The following ZNF880 variants were observed in gnomAD, a reference collection of about 807,000 sequenced individuals.
ZNF880 encodes the protein zinc finger protein 880.
A neutral mutation model predicts 11.8 loss-of-function variants in ZNF880; 12 were observed. The observed-to-expected ratio is 1.02, with a 90% CI of 0.65 to 1.65. The LOEUF (loss-of-function observed/expected upper bound fraction) is 1.65. Among genes scored for constraint, ZNF880 ranks in the 40% most tolerant of loss-of-function variants. The pLI is 0.00. For missense variants in ZNF880, 601 were observed against 673.9 expected (o/e 0.89, Z 1.20); for synonymous variants, 210 against 232.4 (o/e 0.90, Z 0.88).
intron 3 of ZNF880, among the ~76,000 whole-genome samples, chr19:52,375,911 T>C (rs139758495): frequency 3.1e-4 from 47 of 152,348 alleles, no homozygotes; most frequent in Middle Eastern, 3.4e-3. Context: ...TGGCCTCAAC[T>C]ATTCTTCCCA....
In ZNF880 at chr19:52,384,196, C is replaced by A. The variant is rs745677904; in HGVS notation, c.616C>A (p.His206Asn). 7 of 1,611,428 alleles carry A rather than the reference C, an allele frequency of 4.3e-6. No individual in the cohort carries two copies. The South Asian group carries it at 6.6e-5, about 15-fold the overall frequency. The change falls in exon 4 of 4, where the codon CAC (histidine) becomes AAC (asparagine). Residue 206 changes from histidine (H) to asparagine (N), a missense_variant. Physicochemically the swap from His to Asn is moderately conservative, Grantham distance 68. Around this residue, in one of 3 missense-constraint regions of ZNF880, gnomAD observed 420 missense variants for 442.6 expected, o/e 0.95. Transcript: ENST00000422689. ...SSRLANNQVI[H>N]TADNPYKCNE... ...AAGACTTGCTAACAATCAAGTAATC[C>A]ACACTGCAGATAACCCTTACAAATG...
chr19:52,384,937 A>G lies in ZNF880; in HGVS notation c.1357A>G (p.Asn453Asp). ...CTTCAGGCATAGATTATCCCTAAGC[A>G]ATCATCAGAGATTTCATACTGGAGA... The part of the protein sequence containing the change: ...KVFRHRLSLS[N>D]HQRFHTGEKP... The change falls in exon 4 of 4, where the codon AAT (asparagine) becomes GAT (aspartate). Residue 453 changes from asparagine (N) to aspartate (D), a missense_variant. Asn to Asp is a conservative substitution (Grantham distance 23). Coordinates refer to ENST00000422689, the MANE Select transcript of ZNF880 (RefSeq NM_001145434.2). 6.3e-7 allele frequency: 1 copy of G among 1,586,962 alleles called. No individual in the cohort carries two copies. The highest frequency in any genetic ancestry group is 2.3e-5 in the East Asian group (1 of 43,876).
chr19:52,375,198 T>G (rs1986518040), intron 3 of ZNF880, among the ~76,000 whole-genome samples: 1 of 151,622 alleles, frequency 6.6e-6, no homozygotes, highest in Admixed American at 6.6e-5. Flanking sequence ...TATTAATTTA[T>G]TTTTTTGAGA....
At chr19:52,387,549 A>G (rs1451853418), downstream of ZNF880, among the ~76,000 whole-genome samples, 5 of 140,452 alleles carry the variant, frequency 3.6e-5, 1 homozygote, top group African/African-American at 1.4e-4. Context: ...CCCGGGTTCA[A>G]GCAATTCTCC....
At chr19:52,392,448 C>G in the ZNF880 span, among the ~76,000 whole-genome samples, 1 of 152,116 alleles carries the variant, frequency 6.6e-6, no homozygotes, top group African/African-American at 2.4e-5. Context: ...TTACAGGCGT[C>G]CACCACCAAA....
At chr19:52,393,967 G>A in the ZNF880 span, among the ~76,000 whole-genome samples, 2 of 151,020 alleles carry the variant, frequency 1.3e-5, no homozygotes, top group Admixed American at 1.3e-4. Context: ...CTCCCCAGTA[G>A]CTGGGACTAC....
chr19:52,393,714 A>G, the ZNF880 span, among the ~76,000 whole-genome samples: 2 of 136,408 alleles, frequency 1.5e-5, no homozygotes, highest in African/African-American at 5.3e-5. Flanking sequence ...GGAGTCTTCC[A>G]ATAAATGTAT....
chr19:52,397,200 T>G, the ZNF880 span: 1 of 151,496 alleles, frequency 6.6e-6, no homozygotes, highest in Admixed American at 6.6e-5. Flanking sequence ...CTGGCCTTAG[T>G]CCTCCATGCC....
At chr19:52,383,757 T>G in intron 3 of ZNF880, 92 bp from the exon 4 acceptor site, 2 of 1,310,798 alleles carry the variant, frequency 1.5e-6, no homozygotes. Context: ...TTCCCATGTC[T>G]GAGTCAGGTG....
chr19:52,371,429 G>A (rs1986369165), intron 1 of ZNF880, among the ~76,000 whole-genome samples: 1 of 151,968 alleles, frequency 6.6e-6, no homozygotes, highest in South Asian at 2.1e-4. Flanking sequence ...AGGCTGGAGT[G>A]CAGTGGCACC....
At chr19:52,379,388 T>A in intron 3 of ZNF880, 1 of 434,690 alleles carries the variant, frequency 2.3e-6, no homozygotes, top group South Asian at 1.7e-5. Flanking sequence ...AATTGGGAAT[T>A]TATTTTCATT....
chr19:52,375,968 A>G (rs534779648), intron 3 of ZNF880, among the ~76,000 whole-genome samples: 21 of 152,298 alleles, frequency 1.4e-4, no homozygotes, highest in Admixed American at 5.9e-4. Context: ...ATGGCCTTCA[A>G]TTCTATCCAG....
intron 1 of ZNF880, 21 bp downstream of exon 1, chr19:52,369,998 A>C (rs1600244815): frequency 5.8e-6 from 9 of 1,551,450 alleles, no homozygotes; most frequent in South Asian, 1.2e-5. Flanking sequence ...CTTTGTTTAG[A>C]TTAAATCTGG....
intron 3 of ZNF880, among the ~76,000 whole-genome samples, chr19:52,376,510 T>C (rs1293532851): frequency 2.4e-4 from 10 of 42,500 alleles, no homozygotes; most frequent in Non-Finnish European, 4.6e-4. Context: ...CCCCCCCCCC[T>C]TTTTTTTTTT....
chr19:52,395,648 A>T, the ZNF880 span: 1 of 152,338 alleles, frequency 6.6e-6, no homozygotes, highest in Admixed American at 6.5e-5. Context: ...CACCCAGTGC[A>T]GATGCAGTCT....
upstream of ZNF880, among the ~76,000 whole-genome samples, chr19:52,368,495 A>G (rs1986227915): frequency 6.6e-6 from 1 of 151,894 alleles, no homozygotes; most frequent in Non-Finnish European, 1.5e-5. Context: ...GAGAGTGTTT[A>G]TTATATAATG....
intron 1 of ZNF880, among the ~76,000 whole-genome samples, chr19:52,370,896 G>A (rs907563127): frequency 3.3e-5 from 5 of 152,188 alleles, no homozygotes; most frequent in African/African-American, 1.2e-4. Context: ...CCATGAATAA[G>A]CCACTGCACT....
In ZNF880 at chr19:52,384,155, C is replaced by T. The variant is rs766880072; in HGVS notation, c.575C>T (p.Ala192Val). The T allele has an allele frequency of 6.2e-7, 1 of 1,607,276 alleles. No individual in the cohort carries two copies. Among genetic ancestry groups the T allele is most frequent in the East Asian group, 2.2e-5 (1 of 44,694 alleles). Residue 192 changes from alanine (A) to valine (V), a missense_variant, in exon 4 of 4, where the codon GCC (alanine) becomes GTC (valine). Physicochemically the swap from Ala to Val is moderately conservative, Grantham distance 64. This residue lies in a region of ZNF880 where 420 missense variants were observed against 442.6 expected (regional missense o/e 0.95). Transcript: ENST00000422689. ...KPCECNEHGK[A>V]FRVSSRLANN... Reference sequence around the variant, plus strand: ...TGTGAATGTAATGAGCATGGCAAAGCCTTTAGAGTGTCTTCAAGACTTGCT... The same window carrying T: ...TGTGAATGTAATGAGCATGGCAAAGTCTTTAGAGTGTCTTCAAGACTTGCT...
chr19:52,383,925 T>A lies in ZNF880; in HGVS notation c.345T>A (p.His115Gln), dbSNP rs1307262731. 19 of 1,561,304 alleles carry A rather than the reference T, an allele frequency of 1.2e-5. No homozygotes were observed. Among genetic ancestry groups the A allele is most frequent in the Non-Finnish European group, 1.6e-5 (19 of 1,151,996 alleles). ...KNQLGLTFQLHLSELQLFQAE... is the reference protein window; with the variant it reads ...KNQLGLTFQLQLSELQLFQAE... ...AACTTGGATTAACCTTTCAGTTACA[T>A]CTGAGTGAACTGCAGCTATTTCAAG... The change falls in exon 4 of 4, where the codon CAT becomes CAA. Residue 115 changes from histidine to glutamine, a missense_variant. Physicochemically the swap from His to Gln is conservative, Grantham distance 24. Transcript: ENST00000422689.
Sources: gnomAD v4.1 joint callset for allele counts (sites outside exome capture counted in the v4.1 genomes callset) on GRCh38, gnomAD v4.1.1 for gene constraint, gnomAD v4.1.1 regional missense constraint, MANE v1.5 for transcripts, NCBI Gene and HGNC (gene_info 2026-07-23, HGNC 2026-07-21) for gene names.